Variants in ENPEP observed in about 807,000 individuals in gnomAD.
ENPEP encodes glutamyl aminopeptidase, also known as AP-A.
Under a neutral mutation model 114.5 loss-of-function variants are expected in ENPEP, and 103 were observed. The ratio of observed to expected loss-of-function variants is 0.90; its 90% CI spans 0.77 to 1.06. The LOEUF (loss-of-function observed/expected upper bound fraction) is 1.06. Among genes scored for constraint, ENPEP ranks in the 50% least tolerant of loss-of-function variants. The probability of loss-of-function intolerance (pLI) is 0.00; values close to 1 mark genes in which losing one functional copy is unlikely to be tolerated. For synonymous variants in ENPEP, 420 were observed against 422.0 expected (o/e 1.00, Z 0.06); for missense variants, 1,196 against 1,161.3 (o/e 1.03, Z -0.43).
chr4:110,531,931 T>C (rs1430415936), intron 11 of ENPEP, among the ~76,000 whole-genome samples: 8 of 152,206 alleles, frequency 5.3e-5, no homozygotes, highest in Non-Finnish European at 2.9e-5. Flanking sequence ...CCCCATTTCA[T>C]GAGGACTTGA....
intron 14 of ENPEP, among the ~76,000 whole-genome samples, chr4:110,548,892 G>A (rs1028340209): frequency 6.6e-6 from 1 of 152,038 alleles, no homozygotes; most frequent in Non-Finnish European, 1.5e-5. Flanking sequence ...TAACATTTGT[G>A]AGTCTTAATT....
chr4:110,530,357 A>G (rs1281341671), intron 10 of ENPEP, among the ~76,000 whole-genome samples: 1 of 152,204 alleles, frequency 6.6e-6, no homozygotes, highest in Non-Finnish European at 1.5e-5. Flanking sequence ...GAAAAGGTGA[A>G]ATGTTAACCC....
chr4:110,535,596 AAC>A (rs1726584683), intron 11 of ENPEP, among the ~76,000 whole-genome samples: 1 of 152,254 alleles, frequency 6.6e-6, no homozygotes, highest in Non-Finnish European at 1.5e-5. Context: ...TAAGAATGCT[AAC>A]TTGTTAATTT....
At chr4:110,554,549 G>C (rs1727404657) in intron 18 of ENPEP, among the ~76,000 whole-genome samples, 1 of 152,052 alleles carries the variant, frequency 6.6e-6, no homozygotes, top group Admixed American at 6.6e-5. Context: ...GTGAGTGTGT[G>C]TGTGTGTGTG....
chr4:110,539,034 C>G (rs767341264), intron 11 of ENPEP, among the ~76,000 whole-genome samples: 1 of 152,162 alleles, frequency 6.6e-6, no homozygotes, highest in Non-Finnish European at 1.5e-5. Context: ...TCAAAAATCT[C>G]TGATCACAGA....
At chr4:110,511,113 T>G (rs1033244928) in intron 6 of ENPEP, among the ~76,000 whole-genome samples, 1 of 152,342 alleles carries the variant, frequency 6.6e-6, no homozygotes, top group East Asian at 1.9e-4. Flanking sequence ...TGTGTCTAAT[T>G]ACAAGAGGTT....
At chr4:110,536,885 C>T (rs1206040916) in intron 11 of ENPEP, among the ~76,000 whole-genome samples, 2 of 152,170 alleles carry the variant, frequency 1.3e-5, no homozygotes, top group Non-Finnish European at 2.9e-5. Flanking sequence ...GGTGCCAAGC[C>T]ACGCAATAAA....
chr4:110,504,995 C>T (rs2110349247), intron 3 of ENPEP, among the ~76,000 whole-genome samples: 1 of 152,304 alleles, frequency 6.6e-6, no homozygotes, highest in Middle Eastern at 3.4e-3. Flanking sequence ...GAGGACTGCC[C>T]TTCCTGAAGT....
chr4:110,476,737 C>G lies in ENPEP; in HGVS notation c.323C>G (p.Pro108Arg). The change falls in exon 1 of 20, where the codon CCC (proline) becomes CGC (arginine). Residue 108 changes from proline to arginine, a missense_variant. Physicochemically the swap from Pro to Arg is moderately radical, Grantham distance 103. Transcript: ENST00000265162. ...NPVHYDLHVKPLLEEDTYTGT... is the reference protein window; with the variant it reads ...NPVHYDLHVKRLLEEDTYTGT... ...GTCCACTACGACCTGCACGTGAAGC[C>G]CCTGTTGGAGGAGGACACCTACACG... 1 of 1,614,098 alleles carries G rather than the reference C, an allele frequency of 6.2e-7. No homozygotes were observed. Among genetic ancestry groups the G allele is most frequent in the Non-Finnish European group, 8.5e-7 (1 of 1,180,030 alleles).
intron 3 of ENPEP, among the ~76,000 whole-genome samples, chr4:110,493,851 C>T (rs1724818243): frequency 6.6e-6 from 1 of 152,150 alleles, no homozygotes; most frequent in East Asian, 1.9e-4. Context: ...AGGAAACTCA[C>T]ACCAGCCTCA....
At chr4:110,479,259 C>T (rs545728428) in intron 1 of ENPEP, among the ~76,000 whole-genome samples, 29 of 152,228 alleles carry the variant, frequency 1.9e-4, no homozygotes, top group Admixed American at 1.8e-3. Flanking sequence ...TCGATGGATA[C>T]ATGGTAGGCC....
At chr4:110,486,879 G>A (rs927626079) in intron 1 of ENPEP, among the ~76,000 whole-genome samples, 1 of 152,178 alleles carries the variant, frequency 6.6e-6, no homozygotes, top group African/African-American at 2.4e-5. Flanking sequence ...ACTCAACTTT[G>A]TCTCCCCGAA....
intron 3 of ENPEP, among the ~76,000 whole-genome samples, chr4:110,494,034 G>GCA (rs1415403258): frequency 2.0e-5 from 3 of 152,138 alleles, no homozygotes; most frequent in Non-Finnish European, 4.4e-5. Context: ...AATTAAACAT[G>GCA]CACACACACA....
intron 1 of ENPEP, among the ~76,000 whole-genome samples, chr4:110,484,345 G>A (rs569380189): frequency 8.9e-4 from 136 of 152,250 alleles, no homozygotes; most frequent in Middle Eastern, 3.4e-3. Context: ...TTTAGTAGCT[G>A]AAGTGGATTA....
intron 18 of ENPEP, among the ~76,000 whole-genome samples, chr4:110,558,870 TGCTTAG>T (rs1727582733): frequency 1.3e-5 from 2 of 152,334 alleles, no homozygotes; most frequent in South Asian, 4.1e-4. Context: ...TAGGTTTCTC[TGCTTAG>T]GCAGACTGAT....
At chr4:110,481,559 A>G (rs951843641) in intron 1 of ENPEP, among the ~76,000 whole-genome samples, 11 of 152,304 alleles carry the variant, frequency 7.2e-5, no homozygotes, top group Admixed American at 2.6e-4. Flanking sequence ...AAGCTCTCAC[A>G]TGACTAGTAT....
At chr4:110,490,238 A>G (rs1022808430) in intron 2 of ENPEP, among the ~76,000 whole-genome samples, 3 of 152,132 alleles carry the variant, frequency 2.0e-5, no homozygotes, top group African/African-American at 4.8e-5. Flanking sequence ...CTAGGTTTTT[A>G]TGGTAGAGTA....
intron 18 of ENPEP, among the ~76,000 whole-genome samples, chr4:110,557,377 T>C (rs1727517142): frequency 2.6e-5 from 4 of 152,192 alleles, no homozygotes; most frequent in Admixed American, 2.6e-4. Flanking sequence ...TGTATGGATC[T>C]GGAAATTACC....
At chr4:110,546,059 C>A (rs902030831) in intron 13 of ENPEP, among the ~76,000 whole-genome samples, 2 of 151,986 alleles carry the variant, frequency 1.3e-5, no homozygotes, top group Non-Finnish European at 2.9e-5. Context: ...GGTGCCCTAG[C>A]CCTTGGAGGG....
Sources: gnomAD v4.1 joint callset for allele counts (sites outside exome capture counted in the v4.1 genomes callset) on GRCh38, gnomAD v4.1.1 for gene constraint, MANE v1.5 for transcripts, NCBI Gene and HGNC (gene_info 2026-07-23, HGNC 2026-07-21) for gene names.